The following RBM28 variants were observed in gnomAD, a reference collection of about 807,000 sequenced individuals.
RBM28 encodes RNA binding motif protein 28.
RBM28 carries 78 observed loss-of-function variants against 98.3 expected under a neutral mutation model. The ratio of observed to expected loss-of-function variants is 0.79; its 90% CI spans 0.66 to 0.96. The LOEUF is 0.96. RBM28 is among the 40% of genes least tolerant of loss of function. RBM28 has a pLI of 0.00. For synonymous variants in RBM28, 306 were observed against 330.9 expected, an observed-to-expected ratio of 0.92 and a Z score of 0.82; for missense variants, 838 against 913.0, an observed-to-expected ratio of 0.92 and a Z score of 1.06.
chr7:128,305,813 G>C lies in RBM28; in HGVS notation c.*4984C>G, dbSNP rs1795856036. 1 of 152,294 alleles carries C rather than the reference G, an allele frequency of 6.6e-6. No homozygotes were observed. Among genetic ancestry groups the C allele is most frequent in the Non-Finnish European group, 1.5e-5 (1 of 68,110 alleles). 9.4% of individuals were successfully genotyped at this position (152,294 alleles called of 1,614,324 possible). ...GGCCCAGACCACAATGCAGGGGAGAGGGAGAAAAGGGGTGGAAGAGTGACA... is the reference window on the plus strand; with the variant it reads ...GGCCCAGACCACAATGCAGGGGAGACGGAGAAAAGGGGTGGAAGAGTGACA... On this transcript the variant is annotated 3_prime_UTR_variant, in exon 19 of 19. Transcript: ENST00000223073.
At chr7:128,337,550 C>G (rs1033568896) in intron 5 of RBM28, among the ~76,000 whole-genome samples, 1 of 134,104 alleles carries the variant, frequency 7.5e-6, no homozygotes, top group Non-Finnish European at 1.5e-5. Flanking sequence ...GACATCTCTA[C>G]GGCAATAACT....
intron 8 of RBM28, among the ~76,000 whole-genome samples, chr7:128,334,805 G>C (rs1196703481): frequency 6.6e-6 from 1 of 152,188 alleles, no homozygotes; most frequent in Non-Finnish European, 1.5e-5. Flanking sequence ...CTTTAGGGAG[G>C]TAACTGAGGC....
chr7:128,340,484 A>G (rs568097602), intron 1 of RBM28, among the ~76,000 whole-genome samples: 4 of 152,312 alleles, frequency 2.6e-5, no homozygotes, highest in African/African-American at 9.6e-5. Context: ...AGATACAGCC[A>G]CTAAACTTTG....
At chr7:128,313,405 C>T in intron 17 of RBM28, 131 bp from the exon 18 acceptor site, 1 of 894,328 alleles carries the variant, frequency 1.1e-6, no homozygotes, top group South Asian at 1.4e-5. Context: ...CTGCAACAGA[C>T]CCTCTGAAAG....
At position 128,306,464 on chromosome 7, in the gene RBM28, AAACTCCTAC is replaced by A. The variant is rs1795869856; in HGVS notation, c.*4324_*4332del. 1 of 152,248 alleles carries A rather than the reference AAACTCCTAC, an allele frequency of 6.6e-6. No homozygotes were observed. The highest frequency in any genetic ancestry group is 1.5e-5 in the Non-Finnish European group (1 of 68,052). The allele number at this position is 152,248 out of a possible 1,614,324, so 9.4% of individuals were successfully genotyped here. A position where few individuals can be genotyped will look rare whatever the true frequency, so the allele number is the denominator to read the frequency against. ...GGCCTTTAGAGAGTTCAACAGTATG[AAACTCCTAC>A]TACGAGTAAATCAATGTTAGGTGTT... is the stretch of plus-strand genomic sequence containing the variant. On this transcript the variant is annotated 3_prime_UTR_variant, in exon 19 of 19. Transcript: ENST00000223073.
At chr7:128,328,184 A>G (rs915744034) in intron 10 of RBM28, among the ~76,000 whole-genome samples, 9 of 152,246 alleles carry the variant, frequency 5.9e-5, no homozygotes, top group African/African-American at 2.2e-4. Context: ...CACCTACTAT[A>G]GTGTACAGCA....
chr7:128,339,714 T>C lies in RBM28; in HGVS notation c.196A>G (p.Thr66Ala), dbSNP rs768329384. 11 of 1,613,810 alleles carry C rather than the reference T, an allele frequency of 6.8e-6. No homozygotes were observed. Among genetic ancestry groups the C allele is most frequent in the Admixed American group, 6.7e-5 (4 of 60,000 alleles). Residue 66 changes from threonine (T) to alanine (A), a missense_variant, in exon 2 of 19, where the codon ACC becomes GCC. Transcript: ENST00000223073. ...TTGATCTTGCAACCTTCAAAGGTGG[T>C]AATCTCCTTGAGGGCCCTCTGAACA... is the stretch of plus-strand genomic sequence containing the variant. ...EDVQRALKEI[T>A]TFEGCKINVT...
chr7:128,324,788 T>G (rs1584646851), intron 11 of RBM28, 94 bp from the exon 12 acceptor site: 2 of 1,548,890 alleles, frequency 1.3e-6, no homozygotes, highest in Non-Finnish European at 1.8e-6. Context: ...CTGAGGCAGG[T>G]GGATCACCTG....
rs1795812057 is a variant in RBM28 at position 128,303,779 on chromosome 7, AAGGGCC to A, written c.*7012_*7017del. On this transcript the variant is annotated 3_prime_UTR_variant, in exon 19 of 19. Coordinates refer to ENST00000223073, the MANE Select transcript of RBM28 (RefSeq NM_018077.3). Reference sequence around the variant, plus strand: ...TGTCACTTTAAGAAGCCATAAGAGAAAGGGCCAGGTCTCCATAGGTCATTATTCTTC... The same window carrying A: ...TGTCACTTTAAGAAGCCATAAGAGAAAGGTCTCCATAGGTCATTATTCTTC... The A allele has an allele frequency of 6.6e-6, 1 of 152,222 alleles. No homozygotes were observed. The highest frequency in any genetic ancestry group is 2.1e-4 in the South Asian group (1 of 4,830). 9.4% of individuals were successfully genotyped at this position (152,222 alleles called of 1,614,324 possible).
intron 1 of RBM28, among the ~76,000 whole-genome samples, chr7:128,340,424 G>A (rs1035612990): frequency 6.6e-6 from 1 of 152,148 alleles, no homozygotes; most frequent in African/African-American, 2.4e-5. Flanking sequence ...ATGACACCCT[G>A]CACTGTCTGG....
At chr7:128,342,928 C>G (rs1796758777) in intron 1 of RBM28, among the ~76,000 whole-genome samples, 1 of 152,194 alleles carries the variant, frequency 6.6e-6, no homozygotes, top group Non-Finnish European at 1.5e-5. Flanking sequence ...TATATTGCCA[C>G]TCTTCACCCC....
chr7:128,322,011 G>A (rs141808789), intron 13 of RBM28, among the ~76,000 whole-genome samples: 98 of 150,172 alleles, frequency 6.5e-4, no homozygotes, highest in African/African-American at 2.2e-3. Flanking sequence ...TCGTGCCATT[G>A]CACTCCAGCC....
intron 10 of RBM28, 24 bp downstream of exon 10, chr7:128,330,795 G>T (rs1210117752): frequency 3.2e-6 from 5 of 1,558,332 alleles, no homozygotes; most frequent in African/African-American, 1.4e-5. Context: ...CCCTTTTAGG[G>T]CCTGGCCAGC....
Position 128,317,941 on chromosome 7 carries a change from A to G in RBM28, c.1713+16T>C, listed in dbSNP as rs746809845. 6.2e-7 allele frequency: 1 copy of G among 1,614,000 alleles called. No individual in the cohort carries two copies. ...TGGTCCTAAGGGAACAAGTCTCCCC[A>G]GAGGACAAGGCCTACCTTCAGAGGC... On this transcript the variant is annotated intron_variant, in intron 15 of 18. Coordinates refer to ENST00000223073, the MANE Select transcript of RBM28 (RefSeq NM_018077.3).
intron 10 of RBM28, among the ~76,000 whole-genome samples, chr7:128,329,228 T>A (rs969557453): frequency 6.6e-6 from 1 of 151,926 alleles, no homozygotes; most frequent in African/African-American, 2.4e-5. Context: ...GCCTCCCGAG[T>A]AGCTGGGATT....
chr7:128,324,344 G>C (rs1020541177), intron 12 of RBM28, among the ~76,000 whole-genome samples: 8 of 152,146 alleles, frequency 5.3e-5, no homozygotes, highest in Non-Finnish European at 1.2e-4. Flanking sequence ...AAGGCAACCA[G>C]GCAGAAAAGA....
In RBM28 at chr7:128,303,433, G is replaced by A. The variant is rs897174695; in HGVS notation, c.*7364C>T. On this transcript the variant is annotated 3_prime_UTR_variant, in exon 19 of 19. Transcript: ENST00000223073. ...GAGATAAGAGACGTGAAAGGATGCT[G>A]AAGATGCAAAAGCCTAAGCCAGGCA... 4.6e-5 allele frequency: 7 copies of A among 152,228 alleles called. No individual in the cohort carries two copies. The highest frequency in any genetic ancestry group is 1.7e-4 in the African/African-American group (7 of 41,454). 9.4% of individuals were successfully genotyped at this position (152,228 alleles called of 1,614,324 possible).
chr7:128,319,476 G>A (rs1796175440), intron 14 of RBM28, among the ~76,000 whole-genome samples: 1 of 152,160 alleles, frequency 6.6e-6, no homozygotes, highest in South Asian at 2.1e-4. Flanking sequence ...TACTAACTGT[G>A]GTGTCAGATA....
intron 13 of RBM28, among the ~76,000 whole-genome samples, chr7:128,323,141 C>G (rs7809696): frequency 0.25 from 38,097 of 151,994 alleles, 5,128 homozygotes; most frequent in Middle Eastern, 0.37. Flanking sequence ...ATATCTTCTC[C>G]CTTCTCTAAT....
Sources: allele counts gnomAD v4.1 joint callset (sites outside exome capture counted in the v4.1 genomes callset), GRCh38; gene constraint gnomAD v4.1.1; transcripts MANE v1.5; gene names NCBI Gene and HGNC (gene_info 2026-07-23, HGNC 2026-07-21).